Variants in FAM13C observed in about 807,000 individuals in gnomAD.
FAM13C encodes protein FAM13C.
FAM13C carries 37 observed loss-of-function variants against 73.2 expected under a neutral mutation model. That is an observed-to-expected ratio of 0.51 (90% CI 0.39 to 0.67). The LOEUF is 0.67. FAM13C is among the 30% of genes least tolerant of loss of function. The pLI, the probability that FAM13C is intolerant of heterozygous loss-of-function variation, is 0.00. For synonymous variants in FAM13C, 246 were observed against 260.9 expected (o/e 0.94, Z 0.55); for missense variants, 589 against 715.6 (o/e 0.82, Z 2.02).
intron 4 of FAM13C, among the ~76,000 whole-genome samples, chr10:59,322,448 C>T (rs1186152214): frequency 2.6e-5 from 4 of 151,852 alleles, no homozygotes; most frequent in Admixed American, 6.6e-5. Context: ...GATGGGGAGG[C>T]GAAAAAGACA....
chr10:59,286,601 A>G (rs1347993320), intron 5 of FAM13C, among the ~76,000 whole-genome samples: 3 of 149,490 alleles, frequency 2.0e-5, no homozygotes, highest in African/African-American at 7.4e-5. Context: ...GGTGGGACAT[A>G]GGGAGGAGAT....
chr10:59,345,434 G>A (rs1854177737), intron 3 of FAM13C, among the ~76,000 whole-genome samples: 2 of 152,178 alleles, frequency 1.3e-5, no homozygotes, highest in African/African-American at 4.8e-5. Context: ...GGCAAACTAA[G>A]TACATCACTT....
At chr10:59,263,436 A>C (rs1022835048) in intron 9 of FAM13C, among the ~76,000 whole-genome samples, 1 of 152,226 alleles carries the variant, frequency 6.6e-6, no homozygotes, top group Non-Finnish European at 1.5e-5. Flanking sequence ...CTGAATTAGT[A>C]TTCCCTTCCA....
At chr10:59,361,057 A>G in intron 1 of FAM13C, 2 of 1,289,260 alleles carry the variant, frequency 1.6e-6, no homozygotes, top group Non-Finnish European at 2.0e-6. Flanking sequence ...TCCAGGCCTC[A>G]TCTTCGGCCT....
In FAM13C at chr10:59,284,760, C is replaced by T. The variant is rs1845360145; in HGVS notation, c.508-1313G>A. On this transcript the variant is annotated intron_variant, in intron 5 of 13. Transcript: ENST00000618804. ...CACCTTCCACACACACACACCCTTA[C>T]CCCACACATACCTCATACCCTCACA... Among the ~76,000 whole-genome samples the T allele has an allele frequency of 1.3e-5, 2 of 150,746 alleles. 1 individual carries two copies. The highest frequency in any genetic ancestry group is 4.2e-4 in the South Asian group (2 of 4,740).
chr10:59,338,619 T>A (rs961781233), intron 3 of FAM13C, among the ~76,000 whole-genome samples: 1 of 152,198 alleles, frequency 6.6e-6, no homozygotes, highest in African/African-American at 2.4e-5. Flanking sequence ...TAATTCTCCA[T>A]CTTCGATACA....
rs576544663 is a variant in FAM13C, at chr10:59,260,066, C to T, written c.1236+2368G>A. ...TCAGTAAATGGACCCATCACCATCC[C>T]GGATTTTTTTTTTTGCCTTCATTTC... On this transcript the variant is annotated intron_variant, in intron 10 of 13. Transcript: ENST00000618804. 5.3e-5 allele frequency among the ~76,000 whole-genome samples: 8 copies of T among 151,544 alleles called. No individual in the cohort carries two copies. The South Asian group carries it at 6.2e-4, about 12-fold the overall frequency.
rs1202300052 is a variant in FAM13C at position 59,268,616 on chromosome 10, G to A, written c.879C>T (p.Ile293=). ...PQTITQLTKH[I]QSLKRKIRKF... is the part of the protein sequence containing the mutation. Reference sequence around the variant, plus strand: ...TCCGAATTTTCCGCTTGAGGCTCTGGATGTGCTTGGTGAGCTGGGTGATGG... The same window carrying A: ...TCCGAATTTTCCGCTTGAGGCTCTGAATGTGCTTGGTGAGCTGGGTGATGG... The change falls in exon 8 of 14, where the codon ATC becomes ATT. Residue 293 remains isoleucine (I), a synonymous_variant. Coordinates refer to ENST00000618804, the MANE Select transcript of FAM13C (RefSeq NM_198215.4). 6.2e-7 allele frequency: 1 copy of A among 1,613,666 alleles called. No homozygotes were observed. The highest frequency in any genetic ancestry group is 1.7e-5 in the Admixed American group (1 of 60,000).
In FAM13C at chr10:59,362,467, A is replaced by C. The variant is rs763019906; in HGVS notation, c.-7T>G. 2 of 1,612,872 alleles carry C rather than the reference A, an allele frequency of 1.2e-6. No individual in the cohort carries two copies. Among genetic ancestry groups the C allele is most frequent in the Non-Finnish European group, 1.7e-6 (2 of 1,179,428 alleles). ...AACAGAAACAAGAAAACATCAGCCAAGTCTGGCCGGGGAGCCGTCTCCCTG... is the reference window on the plus strand; with the variant it reads ...AACAGAAACAAGAAAACATCAGCCACGTCTGGCCGGGGAGCCGTCTCCCTG... On this transcript the variant is annotated 5_prime_UTR_variant, in exon 1 of 14. Coordinates refer to ENST00000618804, the MANE Select transcript of FAM13C (RefSeq NM_198215.4).
intron 5 of FAM13C, among the ~76,000 whole-genome samples, chr10:59,296,729 C>T (rs2133820359): frequency 6.6e-6 from 1 of 152,320 alleles, no homozygotes; most frequent in South Asian, 2.1e-4. Flanking sequence ...GGTAGAACCA[C>T]AGTCAGAATA....
intron 6 of FAM13C, among the ~76,000 whole-genome samples, chr10:59,276,462 T>C (rs1223163156): frequency 6.6e-6 from 1 of 152,148 alleles, no homozygotes; most frequent in African/African-American, 2.4e-5. Flanking sequence ...TGTTATAGCA[T>C]GCCATTCTAA....
chr10:59,263,961 G>T, intron 9 of FAM13C, 124 bp downstream of exon 9: 1 of 872,332 alleles, frequency 1.1e-6, no homozygotes, highest in Non-Finnish European at 1.9e-6. Context: ...GGGAGTTACA[G>T]TCTAAGCAGA....
intron 10 of FAM13C, among the ~76,000 whole-genome samples, 189 bp downstream of exon 10, chr10:59,262,245 G>T (rs879634144): frequency 6.6e-6 from 1 of 151,372 alleles, no homozygotes; most frequent in Non-Finnish European, 1.5e-5. Flanking sequence ...CTCCAGAATG[G>T]TGGCATAGCC....
At chr10:59,307,968 C>A (rs747647748) in intron 4 of FAM13C, among the ~76,000 whole-genome samples, 9 of 152,100 alleles carry the variant, frequency 5.9e-5, no homozygotes, top group Non-Finnish European at 8.8e-5. Flanking sequence ...ATCTCAAACT[C>A]CCTTCTTTTT....
rs1371186345 is a variant in FAM13C, at chr10:59,260,494, T to G, written c.1236+1940A>C. On this transcript the variant is annotated intron_variant, in intron 10 of 13. Transcript: ENST00000618804. ...GCAATTCCATCTGTTGAGAATGTTT[T>G]CTGCTGCTCTCTTTGGCCTGCTGAT... 2.0e-5 allele frequency among the ~76,000 whole-genome samples: 3 copies of G among 152,214 alleles called. No individual in the cohort carries two copies. In the East Asian group the frequency reaches 5.8e-4, roughly 29 times the overall value.
chr10:59,323,845 G>T, intron 4 of FAM13C, 143 bp downstream of exon 4: 1 of 743,410 alleles, frequency 1.3e-6, no homozygotes, highest in Non-Finnish European at 2.4e-6. Context: ...CCTCTTCTAG[G>T]CCCCTTTAAG....
chr10:59,274,070 A>C (rs557210539), intron 6 of FAM13C, among the ~76,000 whole-genome samples: 2 of 152,276 alleles, frequency 1.3e-5, no homozygotes, highest in African/African-American at 4.8e-5. Flanking sequence ...TCAAATGATA[A>C]ATAAGCCAAA....
intron 2 of FAM13C, 74 bp from the exon 3 acceptor site, chr10:59,352,548 G>A: frequency 1.4e-6 from 2 of 1,420,540 alleles, no homozygotes; most frequent in South Asian, 1.4e-5. Context: ...AAGAGGGCTG[G>A]AGATATTCAT....
intron 5 of FAM13C, among the ~76,000 whole-genome samples, chr10:59,295,572 CCCAG>C (rs1432827099): frequency 6.6e-6 from 1 of 152,122 alleles, no homozygotes; most frequent in African/African-American, 2.4e-5. Flanking sequence ...AAGAAACTAC[CCCAG>C]CCAGTGCCTA....
Sources: gnomAD v4.1 joint callset for allele counts (sites outside exome capture counted in the v4.1 genomes callset) on GRCh38, gnomAD v4.1.1 for gene constraint, MANE v1.5 for transcripts, NCBI Gene and HGNC (gene_info 2026-07-23, HGNC 2026-07-21) for gene names.